The following PTPN9 variants were observed in gnomAD, a reference collection of about 807,000 sequenced individuals.
PTPN9 encodes the protein protein tyrosine phosphatase non-receptor type 9, also known as tyrosine-protein phosphatase non-receptor type 9.
In PTPN9, 26 loss-of-function variants were observed where a neutral mutation model predicts 69.8. That is an observed-to-expected ratio of 0.37 (90% confidence interval 0.27 to 0.52). The LOEUF (loss-of-function observed/expected upper bound fraction) is 0.52, where lower values mean the gene tolerates loss of function less well. PTPN9 is among the 20% of genes least tolerant of loss of function. The pLI is 0.91. For missense variants in PTPN9, 549 were observed against 740.3 expected, an observed-to-expected ratio of 0.74 and a Z score of 3.00; for synonymous variants, 274 against 272.5, an observed-to-expected ratio of 1.01 and a Z score of -0.05.
chr15:75,576,228 T>TA (rs1021237131), intron 1 of PTPN9, among the ~76,000 whole-genome samples: 2 of 144,406 alleles, frequency 1.4e-5, no homozygotes, highest in African/African-American at 5.2e-5. Flanking sequence ...AAGACTCAGT[T>TA]AAAAAACAAA....
At chr15:75,550,836 G>A (rs192576736) in intron 1 of PTPN9, among the ~76,000 whole-genome samples, 1 of 151,806 alleles carries the variant, frequency 6.6e-6, no homozygotes, top group African/African-American at 2.4e-5. Context: ...TTTTTGTTGA[G>A]CAGGGTCTCA....
chr15:75,534,372 A>T (rs1039353842), intron 1 of PTPN9, among the ~76,000 whole-genome samples: 1 of 152,132 alleles, frequency 6.6e-6, no homozygotes, highest in African/African-American at 2.4e-5. Context: ...CCATACATTT[A>T]AACTAGAAAT....
chr15:75,552,942 G>A lies in PTPN9; in HGVS notation c.64-25681C>T, dbSNP rs183233435. Among the ~76,000 whole-genome samples the A allele has an allele frequency of 2.7e-3, 404 of 151,836 alleles. 2 individuals are homozygous for A. The highest frequency in any genetic ancestry group is 9.2e-3 in the African/African-American group (382 of 41,414). On this transcript the variant is annotated intron_variant, in intron 1 of 12. Coordinates refer to ENST00000618819, the MANE Select transcript of PTPN9 (RefSeq NM_002833.4). ...AGATCAAAACTGGATGGTGCAATGG[G>A]CTAGAATGGTACTAAAAAGCAACGG... is the stretch of plus-strand genomic sequence containing the variant.
At chr15:75,534,674 CAAA>C (rs56302688) in intron 1 of PTPN9, among the ~76,000 whole-genome samples, 4 of 96,262 alleles carry the variant, frequency 4.2e-5, no homozygotes, top group Non-Finnish European at 6.0e-5. Context: ...GACTCTATCT[CAAA>C]AAAAAAAAAA....
chr15:75,551,621 C>G (rs940706514), intron 1 of PTPN9, among the ~76,000 whole-genome samples: 2 of 152,166 alleles, frequency 1.3e-5, no homozygotes, highest in African/African-American at 4.8e-5. Flanking sequence ...GTATCTGTCT[C>G]TGGCCTAGTC....
chr15:75,527,295 G>A (rs1020306288), intron 1 of PTPN9, 34 bp from the exon 2 acceptor site: 19 of 1,609,760 alleles, frequency 1.2e-5, no homozygotes, highest in Non-Finnish European at 1.5e-5. Flanking sequence ...TAATTAGTAA[G>A]AAGAGAGCAT....
In PTPN9 at chr15:75,530,539, AT is replaced by A. The variant is rs1355355878; in HGVS notation, c.64-3279del. 1.7e-4 allele frequency among the ~76,000 whole-genome samples: 7 copies of A among 40,606 alleles called. 1 individual carries two copies. The highest frequency in any genetic ancestry group is 1.1e-3 in the African/African-American group (6 of 5,252). The allele number at this position is 40,606 out of a possible 152,430, so 26.6% of individuals were successfully genotyped here. The stretch of plus-strand genomic sequence containing the variant: ...ATAATATAATTTATTATATAATATT[AT>A]TATATTATAATATATTATATATTAT... On this transcript the variant is annotated intron_variant, in intron 1 of 12. Transcript: ENST00000618819.
intron 1 of PTPN9, among the ~76,000 whole-genome samples, chr15:75,566,845 C>G (rs142984533): frequency 2.6e-3 from 389 of 152,004 alleles, no homozygotes; most frequent in Non-Finnish European, 3.7e-3. Context: ...AAAAAATTAG[C>G]TGGATGTGAT....
At chr15:75,506,258 T>A (rs1377002626) in intron 6 of PTPN9, among the ~76,000 whole-genome samples, 1 of 152,196 alleles carries the variant, frequency 6.6e-6, no homozygotes, top group Non-Finnish European at 1.5e-5. Context: ...GTTATACATC[T>A]TCTGAAAGGA....
At chr15:75,567,190 G>A (rs1310774900) in intron 1 of PTPN9, among the ~76,000 whole-genome samples, 1 of 152,004 alleles carries the variant, frequency 6.6e-6, no homozygotes, top group Admixed American at 6.6e-5. Flanking sequence ...TAATTTCTTT[G>A]TATTTTTAGT....
At chr15:75,524,347 C>T (rs768029584) in intron 2 of PTPN9, 49 bp from the exon 3 acceptor site, 5 of 1,174,222 alleles carry the variant, frequency 4.3e-6, no homozygotes, top group Non-Finnish European at 1.3e-6. Flanking sequence ...TACTGTATAT[C>T]CAGGACAGCA....
intron 8 of PTPN9, among the ~76,000 whole-genome samples, chr15:75,486,096 A>G (rs2074675008): frequency 8.2e-6 from 1 of 121,774 alleles, no homozygotes; most frequent in Admixed American, 8.3e-5. Context: ...CGAGACTCCA[A>G]CTCAAAAAAA....
At chr15:75,550,930 G>A (rs1420153170) in intron 1 of PTPN9, among the ~76,000 whole-genome samples, 2 of 152,220 alleles carry the variant, frequency 1.3e-5, no homozygotes, top group Admixed American at 1.3e-4. Flanking sequence ...ACAGGCATGA[G>A]TCAATGTGCC....
chr15:75,531,873 GT>G (rs1015440683), intron 1 of PTPN9, among the ~76,000 whole-genome samples: 3 of 152,054 alleles, frequency 2.0e-5, no homozygotes, highest in African/African-American at 7.2e-5. Context: ...CATGGTACCT[GT>G]TTTTTAATTA....
rs1197344000 is a variant in PTPN9 at position 75,465,493 on chromosome 15, C to A, written c.*3276G>T. On this transcript the variant is annotated 3_prime_UTR_variant, in exon 13 of 13. Coordinates refer to ENST00000618819, the MANE Select transcript of PTPN9 (RefSeq NM_002833.4). ...AGATTCTGGGTTGCGTCTCTGCCTT[C>A]CCTTTCCTTTACCTCCTCCTTTAAC... is the stretch of plus-strand genomic sequence containing the variant. The A allele has an allele frequency of 1.3e-5, 2 of 152,212 alleles. No homozygotes were observed. Among genetic ancestry groups the A allele is most frequent in the Non-Finnish European group, 2.9e-5 (2 of 68,050 alleles). 9.4% of individuals were successfully genotyped at this position (152,212 alleles called of 1,614,324 possible).
At chr15:75,549,382 G>A (rs1343771534) in intron 1 of PTPN9, among the ~76,000 whole-genome samples, 1 of 151,688 alleles carries the variant, frequency 6.6e-6, no homozygotes, top group Admixed American at 6.6e-5. Context: ...TGTATTTTTT[G>A]TAGAGACGAG....
intron 7 of PTPN9, among the ~76,000 whole-genome samples, chr15:75,491,402 C>CA (rs11414287): frequency 0.36 from 47,627 of 132,032 alleles, 8,851 homozygotes; most frequent in African/African-American, 0.52. Context: ...GACTTTATCT[C>CA]AAAAAAAAAA....
chr15:75,511,151 T>C (rs1220824320), intron 5 of PTPN9, among the ~76,000 whole-genome samples: 3 of 152,224 alleles, frequency 2.0e-5, no homozygotes, highest in East Asian at 3.8e-4. Flanking sequence ...CTTGTACACA[T>C]TGGTTGTTTC....
At chr15:75,539,689 T>G (rs1224421150) in intron 1 of PTPN9, among the ~76,000 whole-genome samples, 1 of 151,934 alleles carries the variant, frequency 6.6e-6, no homozygotes, top group Non-Finnish European at 1.5e-5. Context: ...TGTTGTTTTT[T>G]GAGATAGAAT....
Sources: allele counts gnomAD v4.1 joint callset (sites outside exome capture counted in the v4.1 genomes callset), GRCh38; gene constraint gnomAD v4.1.1; transcripts MANE v1.5; gene names NCBI Gene and HGNC (gene_info 2026-07-23, HGNC 2026-07-21).